The following CD300LF variants were observed in gnomAD, a reference collection of about 807,000 sequenced individuals.
CD300LF encodes the protein CMRF35-like molecule 1.
A neutral mutation model predicts 32.2 loss-of-function variants in CD300LF; 27 were observed. The ratio of observed to expected loss-of-function variants is 0.84; its 90% CI spans 0.62 to 1.15. CD300LF has a LOEUF of 1.15. Ranked by LOEUF, CD300LF falls within the 50% of genes most tolerant of loss-of-function variation. CD300LF has a pLI of 0.00. For missense variants in CD300LF, 348 were observed against 356.8 expected, an observed-to-expected ratio of 0.98 and a Z score of 0.20; for synonymous variants, 139 against 143.2, an observed-to-expected ratio of 0.97 and a Z score of 0.21.
chr17:74,704,378 G>T, intron 2 of CD300LF, 100 bp downstream of exon 2: 1 of 889,204 alleles, frequency 1.1e-6, no homozygotes, highest in Non-Finnish European at 1.7e-6. Context: ...GGACTCAAGT[G>T]ATAGATCACT....
At chr17:74,697,207 G>A (rs2032572455) in intron 4 of CD300LF, among the ~76,000 whole-genome samples, 1 of 152,140 alleles carries the variant, frequency 6.6e-6, no homozygotes, top group Non-Finnish European at 1.5e-5. Flanking sequence ...ACCTCCCTAA[G>A]TGCGGAGATT....
intron 1 of CD300LF, among the ~76,000 whole-genome samples, chr17:74,709,635 T>A (rs1245333766): frequency 2.0e-5 from 3 of 152,068 alleles, no homozygotes; most frequent in Admixed American, 2.0e-4. Context: ...GGTACGAACA[T>A]GGGTCACTGC....
At position 74,697,430 on chromosome 17, in the gene CD300LF, G is replaced by A. The variant is rs75842879; in HGVS notation, c.559+939C>T. ...ACAGAAAGCACTTAGACCTTAGGCC[G>A]TGGGCAATACATTTGGGAGAAAAAG... On this transcript the variant is annotated intron_variant, in intron 4 of 6. Coordinates refer to ENST00000326165, the MANE Select transcript of CD300LF (RefSeq NM_139018.5). Among the ~76,000 whole-genome samples, 1,264 of 152,284 alleles carry A rather than the reference G, an allele frequency of 8.3e-3. 5 individuals are homozygous for A. The highest frequency in any genetic ancestry group is 0.024 in the Middle Eastern group (7 of 294).
intron 3 of CD300LF, among the ~76,000 whole-genome samples, chr17:74,699,302 A>T (rs1016284111): frequency 6.6e-6 from 1 of 152,152 alleles, no homozygotes; most frequent in Admixed American, 6.5e-5. Flanking sequence ...ATTGTAGGGC[A>T]GCAGACTCCT....
chr17:74,696,978 G>A lies in CD300LF; in HGVS notation c.560-761C>T, dbSNP rs2032547467. On this transcript the variant is annotated intron_variant, in intron 4 of 6. Coordinates refer to ENST00000326165, the MANE Select transcript of CD300LF (RefSeq NM_139018.5). ...GGTTTTGAGATGGAGTTTCTCTCTT[G>A]TCACCCATGCCGGAGGGCAATGGCA... Among the ~76,000 whole-genome samples the A allele has an allele frequency of 2.6e-5, 4 of 152,030 alleles. No individual in the cohort carries two copies. In the South Asian group the frequency reaches 8.3e-4, roughly 32 times the overall value.
intron 3 of CD300LF, among the ~76,000 whole-genome samples, chr17:74,700,709 G>A (rs1283733643): frequency 1.3e-5 from 2 of 152,018 alleles, no homozygotes; most frequent in Non-Finnish European, 1.5e-5. Context: ...CCGAGATCCT[G>A]CCACTGCACT....
chr17:74,712,400 A>C, intron 1 of CD300LF, among the ~76,000 whole-genome samples: 1 of 150,396 alleles, frequency 6.6e-6, no homozygotes, highest in Non-Finnish European at 1.5e-5. Flanking sequence ...TGCCCAGCAA[A>C]CTCCCTCTTC....
intron 6 of CD300LF, among the ~76,000 whole-genome samples, 183 bp from the exon 7 acceptor site, chr17:74,695,434 C>G (rs1236783925): frequency 6.6e-6 from 1 of 152,200 alleles, no homozygotes; most frequent in African/African-American, 2.4e-5. Context: ...AGAACAGATT[C>G]TCCCCCAACC....
chr17:74,701,522 C>G (rs1468546373), intron 3 of CD300LF, among the ~76,000 whole-genome samples: 1 of 152,166 alleles, frequency 6.6e-6, no homozygotes, highest in Admixed American at 6.5e-5. Flanking sequence ...AGAAAATAAA[C>G]TTTCAAATCA....
intron 1 of CD300LF, among the ~76,000 whole-genome samples, chr17:74,709,760 A>G (rs1363090915): frequency 6.6e-6 from 1 of 151,508 alleles, no homozygotes; most frequent in Admixed American, 6.6e-5. Flanking sequence ...TTTTGGAGAG[A>G]CAAGGTCTCA....
rs891423419 is a variant in CD300LF at position 74,696,068 on chromosome 17, G to T, written c.582+127C>A. The T allele has an allele frequency of 1.6e-5, 21 of 1,327,084 alleles. No homozygotes were observed. In the African/African-American group the frequency reaches 2.5e-4, roughly 16 times the overall value. The allele number at this position is 1,327,084 out of a possible 1,614,324, so 82.2% of individuals were successfully genotyped here. A position where few individuals can be genotyped will look rare whatever the true frequency, so the allele number is the denominator to read the frequency against. ...GCCCTCAGCCCCCAGGCCCTGCAGG[G>T]TGCCATGAGGACAGGATACTTTGGC... On this transcript the variant is annotated intron_variant, in intron 5 of 6. Coordinates refer to ENST00000326165, the MANE Select transcript of CD300LF (RefSeq NM_139018.5).
chr17:74,694,747 T>G lies in CD300LF; in HGVS notation c.*349A>C. On this transcript the variant is annotated 3_prime_UTR_variant, in exon 7 of 7. Transcript: ENST00000326165. ...GGGCCATTATTCAGCCCATAACATG[T>G]GGTAGGCAATAAATAAAGGTTCATT... 1 of 185,470 alleles carries G rather than the reference T, an allele frequency of 5.4e-6. No individual in the cohort carries two copies. The highest frequency in any genetic ancestry group is 1.1e-5 in the Non-Finnish European group (1 of 89,598). 11.5% of individuals were successfully genotyped at this position (185,470 alleles called of 1,614,324 possible).
chr17:74,698,630 C>T (rs2032748728), intron 3 of CD300LF, 149 bp from the exon 4 acceptor site: 1 of 1,476,926 alleles, frequency 6.8e-7, no homozygotes. Context: ...TCCTGGGGAT[C>T]CTCAAAGATG....
At chr17:74,700,010 C>T (rs1025042097) in intron 3 of CD300LF, among the ~76,000 whole-genome samples, 5 of 151,826 alleles carry the variant, frequency 3.3e-5, no homozygotes, top group Admixed American at 2.0e-4. Flanking sequence ...GGTGGGGTGG[C>T]GTGTGTCTGT....
Position 74,704,625 on chromosome 17 carries a change from G to C in CD300LF, c.235C>G (p.Arg79Gly). ...TTCTGATTGTCCTTGATGGACACCC[G>C]GTCCCTCTTCACCTCCTGCTCTGAC... The part of the protein sequence containing the change: ...SGSEQEVKRD[R>G]VSIKDNQKNR... The change falls in exon 2 of 7, where the codon CGG becomes GGG. Residue 79 changes from arginine (R) to glycine (G), a missense_variant. By Grantham distance (125) the Arg-to-Gly change is moderately radical. Coordinates refer to ENST00000326165, the MANE Select transcript of CD300LF (RefSeq NM_139018.5). The C allele has an allele frequency of 6.2e-7, 1 of 1,614,134 alleles. No individual in the cohort carries two copies. The highest frequency in any genetic ancestry group is 8.5e-7 in the Non-Finnish European group (1 of 1,180,024).
intron 1 of CD300LF, chr17:74,705,365 T>G (rs894645750): frequency 1.5e-6 from 1 of 654,740 alleles, no homozygotes. Flanking sequence ...CAACGGCAAC[T>G]GGTCTCCATG....
At chr17:74,710,696 TA>T (rs1451101831) in intron 1 of CD300LF, among the ~76,000 whole-genome samples, 3 of 125,928 alleles carry the variant, frequency 2.4e-5, no homozygotes, top group African/African-American at 5.8e-5. Context: ...CCATCTCTAC[TA>T]AAAATACGAA....
intron 6 of CD300LF, 140 bp downstream of exon 6, chr17:74,695,585 C>G: frequency 2.4e-6 from 3 of 1,252,004 alleles, no homozygotes; most frequent in Non-Finnish European, 3.3e-6. Flanking sequence ...TAGGCGAGTC[C>G]TGCAGTGACT....
At chr17:74,708,712 C>G (rs112334255) in intron 1 of CD300LF, among the ~76,000 whole-genome samples, 366 of 152,176 alleles carry the variant, frequency 2.4e-3, no homozygotes, top group African/African-American at 7.7e-3. Context: ...GTGAGGAGAT[C>G]GAGACCATCC....
Sources: allele counts gnomAD v4.1 joint callset (sites outside exome capture counted in the v4.1 genomes callset), GRCh38; gene constraint gnomAD v4.1.1; transcripts MANE v1.5; gene names NCBI Gene and HGNC (gene_info 2026-07-23, HGNC 2026-07-21).